CDK14: variants seen among roughly 807,000 people sequenced by gnomAD.
The protein encoded by CDK14 is cyclin-dependent kinase 14.
In CDK14, 34 loss-of-function variants were observed where a neutral mutation model predicts 60.7. The observed-to-expected ratio is 0.56, with a 90% CI of 0.43 to 0.75. The LOEUF (loss-of-function observed/expected upper bound fraction) is 0.75. Ranked by LOEUF, CDK14 falls within the 30% of genes least tolerant of loss-of-function variation. The pLI is 0.00. For synonymous variants in CDK14, 197 were observed against 203.7 expected (o/e 0.97, Z 0.28); for missense variants, 482 against 564.1 (o/e 0.85, Z 1.47).
chr7:90,764,367 T>C lies in CDK14; in HGVS notation c.464+16592T>C, dbSNP rs368371976. Among the ~76,000 whole-genome samples the C allele has an allele frequency of 1.7e-3, 257 of 152,288 alleles. 2 individuals carry two copies. Among genetic ancestry groups the C allele is most frequent in the Middle Eastern group, 3.4e-3 (1 of 294 alleles). On this transcript the variant is annotated intron_variant, in intron 4 of 14. Transcript: ENST00000380050. ...TGAAATGCTGGAAATGTGAAAGAAT[T>C]AACAAGGTGGGGTTTGGGTGAAATT...
At chr7:90,860,185 G>T (rs1317876621) in intron 5 of CDK14, among the ~76,000 whole-genome samples, 1 of 151,764 alleles carries the variant, frequency 6.6e-6, no homozygotes. Context: ...AAAGGTTTCT[G>T]TTACTTGATA....
At chr7:90,979,340 T>A (rs1381822669) in intron 9 of CDK14, 2 of 152,298 alleles carry the variant, frequency 1.3e-5, no homozygotes, top group South Asian at 2.1e-4. Flanking sequence ...CTCTAAAGAT[T>A]CTTCAGTTTA....
chr7:90,993,429 C>T (rs887374162), intron 10 of CDK14, among the ~76,000 whole-genome samples: 1 of 151,906 alleles, frequency 6.6e-6, no homozygotes, highest in African/African-American at 2.4e-5. Flanking sequence ...AAAAGGCATA[C>T]TGGATGGATC....
At chr7:91,165,555 G>A (rs759016345) in intron 14 of CDK14, among the ~76,000 whole-genome samples, 2 of 152,076 alleles carry the variant, frequency 1.3e-5, no homozygotes, top group Admixed American at 1.3e-4. Flanking sequence ...AGTGAGTTCT[G>A]GCTAGTAATA....
At chr7:90,901,439 A>G (rs1414369208) in intron 7 of CDK14, among the ~76,000 whole-genome samples, 2 of 152,142 alleles carry the variant, frequency 1.3e-5, no homozygotes, top group African/African-American at 4.8e-5. Context: ...TCTAAAAAAA[A>G]TGTGATGTGA....
At chr7:90,621,597 C>T (rs1349066051) in intron 2 of CDK14, among the ~76,000 whole-genome samples, 1 of 149,922 alleles carries the variant, frequency 6.7e-6, no homozygotes, top group Non-Finnish European at 1.5e-5. Flanking sequence ...AATTTGTTCC[C>T]ATAATTCAGA....
intron 1 of CDK14, among the ~76,000 whole-genome samples, chr7:90,598,585 C>CA (rs1799243857): frequency 6.6e-6 from 1 of 151,934 alleles, no homozygotes; most frequent in African/African-American, 2.4e-5. Context: ...AGTTGTATAC[C>CA]AAGCCAACGA....
intron 14 of CDK14, among the ~76,000 whole-genome samples, chr7:91,196,403 C>T (rs900777260): frequency 2.6e-5 from 4 of 152,196 alleles, no homozygotes; most frequent in African/African-American, 9.6e-5. Flanking sequence ...GTAGTACTCT[C>T]CTCTTTCACC....
chr7:90,842,652 G>A (rs1790336957), intron 5 of CDK14, among the ~76,000 whole-genome samples: 1 of 152,038 alleles, frequency 6.6e-6, no homozygotes, highest in African/African-American at 2.4e-5. Context: ...AATGGCGAAT[G>A]GCAGTTTGTT....
At chr7:90,856,335 T>C (rs980362700) in intron 5 of CDK14, among the ~76,000 whole-genome samples, 1 of 152,202 alleles carries the variant, frequency 6.6e-6, no homozygotes, top group Non-Finnish European at 1.5e-5. Context: ...AAAGCAAATA[T>C]GGGGTCCAAC....
intron 9 of CDK14, among the ~76,000 whole-genome samples, chr7:90,982,834 A>C (rs1296296215): frequency 6.6e-6 from 1 of 152,120 alleles, no homozygotes; most frequent in Admixed American, 6.6e-5. Context: ...TAGATAGCTC[A>C]TGGTGCTCAT....
At chr7:90,724,397 T>C (rs1356817267) in intron 2 of CDK14, among the ~76,000 whole-genome samples, 3 of 152,030 alleles carry the variant, frequency 2.0e-5, no homozygotes, top group Non-Finnish European at 4.4e-5. Flanking sequence ...TTGATTTTTC[T>C]TTATTGTTTT....
chr7:91,159,047 T>C (rs748803160), intron 14 of CDK14, among the ~76,000 whole-genome samples: 1 of 152,178 alleles, frequency 6.6e-6, no homozygotes, highest in Non-Finnish European at 1.5e-5. Flanking sequence ...TAGAACAAAG[T>C]AGAGTTGATA....
chr7:90,603,585 C>A (rs1373488233), intron 1 of CDK14, among the ~76,000 whole-genome samples: 2 of 152,132 alleles, frequency 1.3e-5, no homozygotes, highest in Admixed American at 6.5e-5. Context: ...GAGAATGTAT[C>A]CCAGTTGTTA....
intron 2 of CDK14, among the ~76,000 whole-genome samples, chr7:90,666,034 C>G (rs1476159711): frequency 6.6e-6 from 1 of 152,160 alleles, no homozygotes. Context: ...AGCAGAGTTC[C>G]CTGCCTAGTC....
intron 5 of CDK14, among the ~76,000 whole-genome samples, chr7:90,833,429 A>G (rs1165794442): frequency 6.6e-6 from 1 of 152,182 alleles, no homozygotes; most frequent in Non-Finnish European, 1.5e-5. Flanking sequence ...AGGGACTTTG[A>G]TATGTTTTCC....
At chr7:90,724,478 C>CTTTA (rs1045452921) in intron 2 of CDK14, among the ~76,000 whole-genome samples, 2 of 150,538 alleles carry the variant, frequency 1.3e-5, no homozygotes, top group East Asian at 1.9e-4. Context: ...TTTTTATTTG[C>CTTTA]TTTATTTATT....
At chr7:91,170,649 AATT>A (rs1173617208) in intron 14 of CDK14, among the ~76,000 whole-genome samples, 1 of 152,174 alleles carries the variant, frequency 6.6e-6, no homozygotes, top group Non-Finnish European at 1.5e-5. Flanking sequence ...GCTTGTATTC[AATT>A]ATTTACAATG....
chr7:90,941,628 AT>A (rs143791021), intron 8 of CDK14, among the ~76,000 whole-genome samples: 23,343 of 150,674 alleles, frequency 0.15, 2,031 homozygotes, highest in Middle Eastern at 0.27. Context: ...TTTTTTTTTA[AT>A]TTTTTGTAGA....
Sources: gnomAD v4.1 joint callset for allele counts (sites outside exome capture counted in the v4.1 genomes callset) on GRCh38, gnomAD v4.1.1 for gene constraint, MANE v1.5 for transcripts, NCBI Gene and HGNC (gene_info 2026-07-23, HGNC 2026-07-21) for gene names.